The following IPPK variants were observed in gnomAD, a reference collection of about 807,000 sequenced individuals.
IPPK encodes the protein IPK1 homolog.
In IPPK, 22 loss-of-function variants were observed where a neutral mutation model predicts 64.6. That is an observed-to-expected ratio of 0.34 (90% CI 0.24 to 0.49). The LOEUF (loss-of-function observed/expected upper bound fraction) is 0.49, where lower values mean the gene tolerates loss of function less well. IPPK is among the 20% of genes least tolerant of loss of function. The pLI is 0.99. For missense variants in IPPK, 532 were observed against 630.7 expected, an observed-to-expected ratio of 0.84 and a Z score of 1.68; for synonymous variants, 262 against 247.2, an observed-to-expected ratio of 1.06 and a Z score of -0.56.
In IPPK at chr9:92,662,419, G is replaced by A. The variant is rs534921039; in HGVS notation, c.82-3738C>T. Among the ~76,000 whole-genome samples, 11 of 152,128 alleles carry A rather than the reference G, an allele frequency of 7.2e-5. No individual in the cohort carries two copies. In the East Asian group the frequency reaches 1.9e-3, roughly 27 times the overall value. On this transcript the variant is annotated intron_variant, in intron 1 of 12. Transcript: ENST00000287996. Reference sequence around the variant, plus strand: ...CACATGACTGTAATCCTAGCTACTCGGGAGGCTGAGGCAGAATCACTTGAA... The same window carrying A: ...CACATGACTGTAATCCTAGCTACTCAGGAGGCTGAGGCAGAATCACTTGAA...
At chr9:92,618,490 A>C (rs753037112) in intron 12 of IPPK, 1 of 456,554 alleles carries the variant, frequency 2.2e-6, no homozygotes, top group African/African-American at 2.0e-5. Flanking sequence ...GGCACCCTGC[A>C]TCCAAGCACA....
chr9:92,619,745 G>A lies in IPPK; in HGVS notation c.1171-180C>T, dbSNP rs1851566376. On this transcript the variant is annotated intron_variant, in intron 11 of 12. Coordinates refer to ENST00000287996, the MANE Select transcript of IPPK (RefSeq NM_022755.6). The stretch of plus-strand genomic sequence containing the variant: ...GGAGGTCGCCCTGTGAGAGCACCTG[G>A]GCCAGCCCTCAGTGCCACGGGGCTG... 11 of 623,244 alleles carry A rather than the reference G, an allele frequency of 1.8e-5. No homozygotes were observed. In the Admixed American group the frequency reaches 2.6e-4, roughly 15 times the overall value. 38.6% of individuals were successfully genotyped at this position (623,244 alleles called of 1,614,324 possible).
intron 6 of IPPK, among the ~76,000 whole-genome samples, chr9:92,643,029 T>C (rs1422932839): frequency 2.0e-5 from 3 of 152,216 alleles, no homozygotes. Context: ...CTGTGAGACA[T>C]GATGTGGCGT....
intron 1 of IPPK, among the ~76,000 whole-genome samples, chr9:92,662,281 T>A (rs532194877): frequency 6.6e-6 from 1 of 152,220 alleles, no homozygotes; most frequent in South Asian, 2.1e-4. Context: ...ATCCCAGCAC[T>A]TTGGGAGGCC....
intron 2 of IPPK, among the ~76,000 whole-genome samples, chr9:92,657,465 T>C (rs2131458664): frequency 6.6e-6 from 1 of 152,324 alleles, no homozygotes; most frequent in South Asian, 2.1e-4. Context: ...AACTGCTGCC[T>C]GGCAGACACT....
intron 11 of IPPK, among the ~76,000 whole-genome samples, chr9:92,625,325 G>A (rs1851714699): frequency 6.6e-6 from 1 of 152,106 alleles, no homozygotes; most frequent in South Asian, 2.1e-4. Context: ...CTTTTGGGGA[G>A]GACAATGTGA....
Position 92,670,086 on chromosome 9 carries a change from G to A in IPPK, c.-98C>T. On this transcript the variant is annotated 5_prime_UTR_variant, in exon 1 of 13. Transcript: ENST00000287996. Reference sequence around the variant, plus strand: ...GAACCAGCCGCTGCGGTCGGGGGAGGAGCGCCTGTCAGCTGCCGCCCCCGC... The same window carrying A: ...GAACCAGCCGCTGCGGTCGGGGGAGAAGCGCCTGTCAGCTGCCGCCCCCGC... The A allele has an allele frequency of 2.4e-6, 2 of 835,118 alleles. No individual in the cohort carries two copies. Among genetic ancestry groups the A allele is most frequent in the Non-Finnish European group, 3.5e-6 (2 of 563,560 alleles). 51.7% of individuals were successfully genotyped at this position (835,118 alleles called of 1,614,324 possible).
rs1286167869 is a variant in IPPK at position 92,619,524 on chromosome 9, G to A, written c.1212C>T (p.Ser404=). The A allele has an allele frequency of 1.3e-5, 20 of 1,593,398 alleles. No homozygotes were observed. In the East Asian group the frequency reaches 1.6e-4, roughly 13 times the overall value. The change falls in exon 12 of 13, where the codon TCC becomes TCT. Residue 404 remains serine (S), a synonymous_variant. Coordinates refer to ENST00000287996, the MANE Select transcript of IPPK (RefSeq NM_022755.6). ...YRVAMTAKDC[S]IMIALSPCLQ... is the part of the protein sequence containing the mutation. The stretch of plus-strand genomic sequence containing the variant: ...GACAGGGAGACAGTGCAATCATGAT[G>A]GAGCAGTCCTTGGCAGTCATGGCGA...
At chr9:92,625,694 T>C (rs757536946) in intron 11 of IPPK, among the ~76,000 whole-genome samples, 24 of 152,212 alleles carry the variant, frequency 1.6e-4, no homozygotes, top group Non-Finnish European at 1.3e-4. Context: ...AAGGCTGAGC[T>C]GTCCTACAGT....
chr9:92,638,473 G>C (rs1392858296), intron 8 of IPPK, among the ~76,000 whole-genome samples, 193 bp from the exon 9 acceptor site: 1 of 152,024 alleles, frequency 6.6e-6, no homozygotes, highest in Admixed American at 6.5e-5. Context: ...TATCAACCAA[G>C]CACCAAACCT....
chr9:92,635,379 C>T lies in IPPK; in HGVS notation c.917-71G>A, dbSNP rs1292366466. 1.4e-5 allele frequency: 21 copies of T among 1,508,132 alleles called. No individual in the cohort carries two copies. Among genetic ancestry groups the T allele is most frequent in the Non-Finnish European group, 1.8e-5 (20 of 1,110,368 alleles). 93.4% of individuals were successfully genotyped at this position (1,508,132 alleles called of 1,614,324 possible). On this transcript the variant is annotated intron_variant, in intron 9 of 12. Transcript: ENST00000287996. The surrounding 1 kb of genome is among the most constrained non-coding windows in gnomAD (Gnocchi z 4.4). ...GAACGTGGAGGGAGACACAGGCCGGCGCAGACCGCAGGGCTCATCCTGGGC... is the reference window on the plus strand; with the variant it reads ...GAACGTGGAGGGAGACACAGGCCGGTGCAGACCGCAGGGCTCATCCTGGGC...
chr9:92,618,324 T>C, intron 12 of IPPK: 2 of 456,750 alleles, frequency 4.4e-6, no homozygotes, highest in Non-Finnish European at 8.8e-6. Flanking sequence ...GTGTCGTTTC[T>C]GCTGAGCAGC....
At chr9:92,625,790 G>A (rs1309435646) in intron 11 of IPPK, among the ~76,000 whole-genome samples, 7 of 152,170 alleles carry the variant, frequency 4.6e-5, no homozygotes, top group Non-Finnish European at 1.0e-4. Flanking sequence ...TTTTGCCAAA[G>A]ATCCCTATCC....
At chr9:92,620,359 G>A (rs6479426) in intron 11 of IPPK, 35,733 of 152,272 alleles carry the variant, frequency 0.23, 4,967 homozygotes, top group East Asian at 0.66. Flanking sequence ...GTGTGACGCG[G>A]GCAGGGAGAA....
Position 92,650,879 on chromosome 9 carries a change from T to C in IPPK, c.293-1305A>G, listed in dbSNP as rs1440685180. On this transcript the variant is annotated intron_variant, in intron 4 of 12. Transcript: ENST00000287996. ...ACCAGATCTGCTGGAACCCGTGGTG[T>C]GGACAGAACCAAACAAGCCTGGGCT... Among the ~76,000 whole-genome samples, 4 of 152,040 alleles carry C rather than the reference T, an allele frequency of 2.6e-5. No homozygotes were observed. The East Asian group carries it at 5.8e-4, about 22-fold the overall frequency.
Position 92,652,554 on chromosome 9 carries a change from G to T in IPPK, c.292+19C>A. 1 of 1,358,930 alleles carries T rather than the reference G, an allele frequency of 7.4e-7. No individual in the cohort carries two copies. Among genetic ancestry groups the T allele is most frequent in the Non-Finnish European group, 1.0e-6 (1 of 981,094 alleles). 84.2% of individuals were successfully genotyped at this position (1,358,930 alleles called of 1,614,324 possible). ...ATATTTTAAATTACAAACAATATCT[G>T]TAAGTTAAACACCCTTACCTGGTCT... On this transcript the variant is annotated intron_variant, in intron 4 of 12. Transcript: ENST00000287996.
chr9:92,645,396 G>GA (rs1445876437), intron 6 of IPPK, among the ~76,000 whole-genome samples: 8 of 148,468 alleles, frequency 5.4e-5, no homozygotes, highest in Middle Eastern at 3.4e-3. Context: ...TGTCTAAAAA[G>GA]AAAAAAAAAG....
chr9:92,619,916 T>C, intron 11 of IPPK: 1 of 314,266 alleles, frequency 3.2e-6, no homozygotes, highest in South Asian at 4.0e-5. Flanking sequence ...GAGCCCCGCA[T>C]GTTGGCCACA....
rs16908474 is a variant in IPPK, at chr9:92,613,694, A to G, written c.*2138T>C. 0.019 allele frequency: 2,958 copies of G among 157,322 alleles called. 98 individuals are homozygous for G. The highest frequency in any genetic ancestry group is 0.067 in the African/African-American group (2,789 of 41,580). 9.7% of individuals were successfully genotyped at this position (157,322 alleles called of 1,614,324 possible). On this transcript the variant is annotated 3_prime_UTR_variant, in exon 13 of 13. Transcript: ENST00000287996. The stretch of plus-strand genomic sequence containing the variant: ...CCTCATGCTGTTCTTGGTCTTCCAC[A>G]AGAAAGTGAAGCTGTCAGCTTAATA...
Sources: gnomAD v4.1 joint callset for allele counts (sites outside exome capture counted in the v4.1 genomes callset) on GRCh38, gnomAD v4.1.1 for gene constraint, Gnocchi (gnomAD v3.1) non-coding constraint, MANE v1.5 for transcripts, NCBI Gene and HGNC (gene_info 2026-07-23, HGNC 2026-07-21) for gene names.